Variants in PLEKHF2 observed in about 807,000 individuals in gnomAD.
PLEKHF2 encodes the protein pleckstrin homology domain-containing family F member 2.
Under a neutral mutation model 14.7 loss-of-function variants are expected in PLEKHF2, and 4 were observed. The observed-to-expected ratio is 0.27, with a 90% confidence interval of 0.13 to 0.62. The LOEUF is 0.62. PLEKHF2 is among the 20% of genes least tolerant of loss of function. The pLI is 0.85. For synonymous variants in PLEKHF2, 90 were observed against 103.5 expected (o/e 0.87, Z 0.79); for missense variants, 201 against 307.7 (o/e 0.65, Z 2.60).
At chr8:95,150,932 T>C (rs1810554928) in intron 1 of PLEKHF2, among the ~76,000 whole-genome samples, 1 of 152,148 alleles carries the variant, frequency 6.6e-6, no homozygotes, top group African/African-American at 2.4e-5. Context: ...CTTTGGCTGT[T>C]TACTCATCCA....
chr8:95,153,528 G>A (rs1400777028), intron 1 of PLEKHF2, among the ~76,000 whole-genome samples: 1 of 152,156 alleles, frequency 6.6e-6, no homozygotes, highest in East Asian at 1.9e-4. Flanking sequence ...TGATTTGGGG[G>A]CAAGATTGAA....
chr8:95,142,830 T>A (rs1810453056), intron 1 of PLEKHF2, among the ~76,000 whole-genome samples: 1 of 152,196 alleles, frequency 6.6e-6, no homozygotes, highest in Admixed American at 6.5e-5. Flanking sequence ...TGTACTTAAA[T>A]GGGCCACAAC....
Position 95,154,462 on chromosome 8 carries a change from A to C in PLEKHF2, c.418A>C (p.Thr140Pro). 2 of 1,614,098 alleles carry C rather than the reference A, an allele frequency of 1.2e-6. No homozygotes were observed. The highest frequency in any genetic ancestry group is 1.7e-6 in the Non-Finnish European group (2 of 1,179,926). ...VTDLLSKSGKTPSNEHAAVWV... is the reference protein window; with the variant it reads ...VTDLLSKSGKPPSNEHAAVWV... ...TGATTTACTCTCCAAAAGTGGGAAG[A>C]CACCCAGTAATGAACATGCTGCTGT... is the stretch of plus-strand genomic sequence containing the variant. Residue 140 changes from threonine to proline, a missense_variant, in exon 2 of 2, where the codon ACA becomes CCA. Transcript: ENST00000315367. The surrounding 1 kb of genome is among the most constrained non-coding windows in gnomAD (Gnocchi z 5.6).
chr8:95,138,193 C>A (rs1300027049), intron 1 of PLEKHF2, among the ~76,000 whole-genome samples: 1 of 152,100 alleles, frequency 6.6e-6, no homozygotes, highest in Non-Finnish European at 1.5e-5. Flanking sequence ...CTTTTCTTAT[C>A]CCCAAGTTGA....
chr8:95,134,310 G>T (rs1255368837), intron 1 of PLEKHF2: 4 of 150,816 alleles, frequency 2.7e-5, no homozygotes, highest in Non-Finnish European at 5.9e-5. Context: ...CGCCGCCGCC[G>T]CGGGGGGACG....
intron 1 of PLEKHF2, among the ~76,000 whole-genome samples, chr8:95,143,174 A>C (rs570210076): frequency 6.8e-6 from 1 of 147,336 alleles, no homozygotes; most frequent in South Asian, 2.1e-4. Flanking sequence ...ATCTCGGCTC[A>C]CTGCAAGCTC....
intron 1 of PLEKHF2, among the ~76,000 whole-genome samples, chr8:95,134,947 AGTTT>A (rs1483226246): frequency 6.6e-6 from 1 of 152,156 alleles, no homozygotes; most frequent in Non-Finnish European, 1.5e-5. Flanking sequence ...GACAGTTTGA[AGTTT>A]TTTTCCCCTC....
chr8:95,148,747 A>G (rs1453874633), intron 1 of PLEKHF2, among the ~76,000 whole-genome samples: 1 of 152,114 alleles, frequency 6.6e-6, no homozygotes, highest in Admixed American at 6.6e-5. Flanking sequence ...TTCTGGAACA[A>G]TTAATTAGCT....
At chr8:95,136,331 T>TACACACACACACACACACACAC (rs1490601825) in intron 1 of PLEKHF2, among the ~76,000 whole-genome samples, 3 of 107,826 alleles carry the variant, frequency 2.8e-5, no homozygotes, top group Admixed American at 9.6e-5. Flanking sequence ...TTTTATTATA[T>TACACACACACACACACACACAC]ATACACACAC....
intron 1 of PLEKHF2, among the ~76,000 whole-genome samples, chr8:95,146,331 TACTG>T (rs2132108556): frequency 6.6e-6 from 1 of 152,312 alleles, no homozygotes; most frequent in South Asian, 2.1e-4. Context: ...CACAGTTGAA[TACTG>T]AAGCTCACTG....
chr8:95,152,041 C>G (rs1197843922), intron 1 of PLEKHF2, among the ~76,000 whole-genome samples: 11 of 152,034 alleles, frequency 7.2e-5, no homozygotes, highest in Admixed American at 7.2e-4. Flanking sequence ...ACATTTTTCT[C>G]TTTATGAGTT....
chr8:95,140,443 C>A (rs759133159), intron 1 of PLEKHF2, among the ~76,000 whole-genome samples: 2 of 152,190 alleles, frequency 1.3e-5, no homozygotes, highest in Non-Finnish European at 2.9e-5. Context: ...TTAATATTTT[C>A]CTATTTAAAA....
intron 1 of PLEKHF2, among the ~76,000 whole-genome samples, chr8:95,140,506 G>A (rs939138786): frequency 2.0e-5 from 3 of 152,108 alleles, no homozygotes; most frequent in East Asian, 3.9e-4. Context: ...TCTATCTGAT[G>A]GTTGCTTTCT....
At chr8:95,144,659 G>C (rs191734455) in intron 1 of PLEKHF2, among the ~76,000 whole-genome samples, 29 of 152,216 alleles carry the variant, frequency 1.9e-4, no homozygotes, top group East Asian at 7.7e-4. Context: ...CTGAGGTCAG[G>C]AGTTCAAGAC....
chr8:95,146,250 TATTTAG>T (rs1274110133), intron 1 of PLEKHF2, among the ~76,000 whole-genome samples: 2 of 152,194 alleles, frequency 1.3e-5, no homozygotes, highest in Non-Finnish European at 2.9e-5. Flanking sequence ...TGAAATCACT[TATTTAG>T]TGTCTGAACC....
At position 95,155,932 on chromosome 8, in the gene PLEKHF2, A is replaced by G. The variant is rs1302442676; in HGVS notation, c.*1138A>G. On this transcript the variant is annotated 3_prime_UTR_variant, in exon 2 of 2. Coordinates refer to ENST00000315367, the MANE Select transcript of PLEKHF2 (RefSeq NM_024613.4). Reference sequence around the variant, plus strand: ...ATAAAGTTTTGTAAAATCCCAAACAATATTTCTATTTTTGTAAAACAATTG... The same window carrying G: ...ATAAAGTTTTGTAAAATCCCAAACAGTATTTCTATTTTTGTAAAACAATTG... 1.2e-5 allele frequency: 2 copies of G among 167,040 alleles called. No homozygotes were observed. The highest frequency in any genetic ancestry group is 2.9e-5 in the Non-Finnish European group (2 of 68,098). 10.3% of individuals were successfully genotyped at this position (167,040 alleles called of 1,614,324 possible). A position where few individuals can be genotyped will look rare whatever the true frequency, so the allele number is the denominator to read the frequency against.
chr8:95,138,165 A>G (rs1226061773), intron 1 of PLEKHF2, among the ~76,000 whole-genome samples: 1 of 152,012 alleles, frequency 6.6e-6, no homozygotes, highest in Non-Finnish European at 1.5e-5. Flanking sequence ...CCTGCTTTAT[A>G]CTAGTTACTT....
At position 95,155,422 on chromosome 8, in the gene PLEKHF2, G is replaced by A. The variant is rs1163838611; in HGVS notation, c.*628G>A. 1 of 166,984 alleles carries A rather than the reference G, an allele frequency of 6.0e-6. No individual in the cohort carries two copies. Among genetic ancestry groups the A allele is most frequent in the African/African-American group, 2.4e-5 (1 of 41,420 alleles). The allele number at this position is 166,984 out of a possible 1,614,324, so 10.3% of individuals were successfully genotyped here. ...TGTAATTAGGAAATACTTCTCATCT[G>A]ACAGCTACAAATAACTAAGTTTGGA... On this transcript the variant is annotated 3_prime_UTR_variant, in exon 2 of 2. Coordinates refer to ENST00000315367, the MANE Select transcript of PLEKHF2 (RefSeq NM_024613.4).
chr8:95,139,809 A>AT (rs112242584), intron 1 of PLEKHF2, among the ~76,000 whole-genome samples: 23,214 of 139,346 alleles, frequency 0.17, 1,965 homozygotes, highest in Non-Finnish European at 0.18. Context: ...TTAGTCCTTG[A>AT]TTTTTTTTTT....
Sources: allele counts gnomAD v4.1 joint callset (sites outside exome capture counted in the v4.1 genomes callset), GRCh38; gene constraint gnomAD v4.1.1; non-coding constraint Gnocchi (gnomAD v3.1); transcripts MANE v1.5; gene names NCBI Gene and HGNC (gene_info 2026-07-23, HGNC 2026-07-21).